Variants in KAT6B observed in about 807,000 individuals in gnomAD.
The protein encoded by KAT6B is histone acetyltransferase KAT6B.
Under a neutral mutation model 187.5 loss-of-function variants are expected in KAT6B, and 10 were observed. That is an observed-to-expected ratio of 0.05 (90% CI 0.03 to 0.09). The LOEUF (loss-of-function observed/expected upper bound fraction) is 0.09. Among genes scored for constraint, KAT6B ranks in the 10% least tolerant of loss-of-function variants. The pLI is 1.00. For synonymous variants in KAT6B, 861 were observed against 926.8 expected, an observed-to-expected ratio of 0.93 and a Z score of 1.29; for missense variants, 1,952 against 2,558.9, an observed-to-expected ratio of 0.76 and a Z score of 5.12.
intron 17 of KAT6B, chr10:75,026,211 T>C (rs566575461): frequency 1.3e-5 from 2 of 151,502 alleles, no homozygotes; most frequent in South Asian, 4.2e-4. Flanking sequence ...TTTGATAATA[T>C]TGCATAACAT....
intron 4 of KAT6B, among the ~76,000 whole-genome samples, chr10:74,969,278 G>A (rs1424765406): frequency 2.0e-5 from 3 of 152,088 alleles, no homozygotes; most frequent in African/African-American, 4.8e-5. Context: ...TTGAACTTTG[G>A]CAACTCCCCT....
intron 13 of KAT6B, among the ~76,000 whole-genome samples, chr10:74,991,267 A>C (rs905550347): frequency 2.6e-5 from 4 of 152,174 alleles, no homozygotes; most frequent in African/African-American, 9.7e-5. Flanking sequence ...AATTTTATTG[A>C]TATAAACTAA....
chr10:75,019,728 A>G (rs1467041773), intron 13 of KAT6B, among the ~76,000 whole-genome samples: 2 of 149,798 alleles, frequency 1.3e-5, no homozygotes, highest in Non-Finnish European at 3.0e-5. Context: ...GCCAGCTTTC[A>G]TTCATTACCT....
intron 3 of KAT6B, among the ~76,000 whole-genome samples, chr10:74,873,426 C>T (rs557809748): frequency 2.0e-5 from 3 of 151,820 alleles, no homozygotes; most frequent in African/African-American, 7.3e-5. Context: ...GATCATGCCA[C>T]TGCACTTTAG....
At chr10:74,894,494 A>G (rs1404874319) in intron 3 of KAT6B, among the ~76,000 whole-genome samples, 1 of 152,234 alleles carries the variant, frequency 6.6e-6, no homozygotes, top group Non-Finnish European at 1.5e-5. Context: ...AACTGTATGC[A>G]ACAGTTAGTG....
intron 9 of KAT6B, among the ~76,000 whole-genome samples, chr10:74,978,177 T>G (rs1842284498): frequency 6.6e-6 from 1 of 152,246 alleles, no homozygotes; most frequent in Admixed American, 6.5e-5. Flanking sequence ...AGCAGCCAGT[T>G]GGGCTAAATA....
At chr10:74,884,578 T>TG (rs1157478409) in intron 3 of KAT6B, among the ~76,000 whole-genome samples, 3 of 152,076 alleles carry the variant, frequency 2.0e-5, no homozygotes, top group Admixed American at 6.6e-5. Context: ...TTTCAAGATT[T>TG]TTTTTTTGGA....
chr10:75,032,106 C>A lies in KAT6B; in HGVS notation c.*1060C>A, dbSNP rs1389798487. 4 of 196,632 alleles carry A rather than the reference C, an allele frequency of 2.0e-5. No homozygotes were observed. The highest frequency in any genetic ancestry group is 1.1e-5 in the Non-Finnish European group (1 of 94,762). 12.2% of individuals were successfully genotyped at this position (196,632 alleles called of 1,614,324 possible). On this transcript the variant is annotated 3_prime_UTR_variant, in exon 18 of 18. Coordinates refer to ENST00000287239, the MANE Select transcript of KAT6B (RefSeq NM_012330.4). ...GTTTATATTGCTTCCTTTTTTGTAGCCTTTGTACCTGTACAGGGTGACAGT... is the reference window on the plus strand; with the variant it reads ...GTTTATATTGCTTCCTTTTTTGTAGACTTTGTACCTGTACAGGGTGACAGT...
chr10:75,031,895 A>G lies in KAT6B; in HGVS notation c.*849A>G, dbSNP rs934607755. The stretch of plus-strand genomic sequence containing the variant: ...GGCAGGATTTAAAAAAAAATAGTGA[A>G]TTTGGTGTAAAGTTGCTATTTTATG... On this transcript the variant is annotated 3_prime_UTR_variant, in exon 18 of 18. Transcript: ENST00000287239. 12 of 196,718 alleles carry G rather than the reference A, an allele frequency of 6.1e-5. No individual in the cohort carries two copies. The highest frequency in any genetic ancestry group is 1.2e-4 in the African/African-American group (5 of 43,282). 12.2% of individuals were successfully genotyped at this position (196,718 alleles called of 1,614,324 possible).
At chr10:75,000,926 C>T (rs954911233) in intron 13 of KAT6B, among the ~76,000 whole-genome samples, 1 of 152,070 alleles carries the variant, frequency 6.6e-6, no homozygotes, top group Non-Finnish European at 1.5e-5. Context: ...AATTAATCAG[C>T]GCTGCTAGAA....
chr10:74,841,923 C>CA (rs764858063), intron 2 of KAT6B, among the ~76,000 whole-genome samples: 1 of 152,198 alleles, frequency 6.6e-6, no homozygotes, highest in Non-Finnish European at 1.5e-5. Flanking sequence ...CACCTGGAAT[C>CA]AGATTTGTAT....
chr10:75,032,152 G>A lies in KAT6B; in HGVS notation c.*1106G>A, dbSNP rs1225081039. 2 of 195,194 alleles carry A rather than the reference G, an allele frequency of 1.0e-5. No individual in the cohort carries two copies. The highest frequency in any genetic ancestry group is 2.3e-5 in the African/African-American group (1 of 43,116). The allele number at this position is 195,194 out of a possible 1,614,324, so 12.1% of individuals were successfully genotyped here. A position where few individuals can be genotyped will look rare whatever the true frequency, so the allele number is the denominator to read the frequency against. On this transcript the variant is annotated 3_prime_UTR_variant, in exon 18 of 18. Coordinates refer to ENST00000287239, the MANE Select transcript of KAT6B (RefSeq NM_012330.4). ...ACAGTAAGGGCCAAGCAGGAGAGGCGTAATCCTTGTATAAAATAGGATCCA... is the reference window on the plus strand; with the variant it reads ...ACAGTAAGGGCCAAGCAGGAGAGGCATAATCCTTGTATAAAATAGGATCCA...
chr10:74,936,889 T>C (rs1849315017), intron 3 of KAT6B, among the ~76,000 whole-genome samples: 1 of 152,254 alleles, frequency 6.6e-6, no homozygotes, highest in African/African-American at 2.4e-5. Context: ...AGAGAAGTTA[T>C]GAAGGAGGAT....
At chr10:74,913,302 A>G (rs190457170) in intron 3 of KAT6B, among the ~76,000 whole-genome samples, 1 of 152,336 alleles carries the variant, frequency 6.6e-6, no homozygotes, top group East Asian at 1.9e-4. Context: ...AAGTCTCTAT[A>G]TATTATGTTT....
intron 3 of KAT6B, among the ~76,000 whole-genome samples, chr10:74,911,276 T>C (rs1389560613): frequency 1.3e-5 from 2 of 151,434 alleles, no homozygotes; most frequent in Admixed American, 6.6e-5. Context: ...CTTTTTCTTT[T>C]TTTTTTTTTT....
Position 74,985,084 on chromosome 10 carries a change from A to G in KAT6B, c.2378A>G (p.Asp793Gly). ...TTGTCTGTTTCTTTTTGCTAGGTTG[A>G]TGGGAATATGAGCAAAATTTATTGC... is the stretch of plus-strand genomic sequence containing the variant. ...RRKDLSVFEVDGNMSKIYCQN... is the reference protein window; with the variant it reads ...RRKDLSVFEVGGNMSKIYCQN... Residue 793 changes from aspartate (D) to glycine (G), a missense_variant, in exon 12 of 18, where the codon GAT becomes GGT. Around this residue, in one of 9 missense-constraint regions of KAT6B, gnomAD observed 87 missense variants for 191.8 expected, o/e 0.45. Coordinates refer to ENST00000287239, the MANE Select transcript of KAT6B (RefSeq NM_012330.4). 6.2e-7 allele frequency: 1 copy of G among 1,613,866 alleles called. No homozygotes were observed.
At chr10:74,881,795 A>G (rs1265523088) in intron 3 of KAT6B, among the ~76,000 whole-genome samples, 6 of 152,160 alleles carry the variant, frequency 3.9e-5, no homozygotes, top group African/African-American at 1.4e-4. Flanking sequence ...CTGGGACTAC[A>G]GTCTCATGTC....
At chr10:74,907,207 A>G (rs1478163315) in intron 3 of KAT6B, among the ~76,000 whole-genome samples, 2 of 152,204 alleles carry the variant, frequency 1.3e-5, no homozygotes, top group East Asian at 3.8e-4. Context: ...CTCTCACTAC[A>G]AACAGAACCA....
At chr10:74,848,188 G>T (rs1385646854) in intron 3 of KAT6B, among the ~76,000 whole-genome samples, 1 of 152,044 alleles carries the variant, frequency 6.6e-6, no homozygotes, top group African/African-American at 2.4e-5. Flanking sequence ...CAAAGTGCTG[G>T]GATTATAGGC....
Sources: gnomAD v4.1 joint callset for allele counts (sites outside exome capture counted in the v4.1 genomes callset) on GRCh38, gnomAD v4.1.1 for gene constraint, gnomAD v4.1.1 regional missense constraint, MANE v1.5 for transcripts, NCBI Gene and HGNC (gene_info 2026-07-23, HGNC 2026-07-21) for gene names.